The following PCDHA1 variants were observed in gnomAD, a reference collection of about 807,000 sequenced individuals.
PCDHA1 encodes protocadherin alpha 1.
Under a neutral mutation model 61.3 loss-of-function variants are expected in PCDHA1, and 42 were observed. The ratio of observed to expected loss-of-function variants is 0.69; its 90% CI spans 0.54 to 0.89. The LOEUF (loss-of-function observed/expected upper bound fraction) is 0.89. Ranked by LOEUF, PCDHA1 falls within the 40% of genes least tolerant of loss-of-function variation. PCDHA1 has a pLI of 0.00. For missense variants in PCDHA1, 1,256 were observed against 1,235.3 expected (o/e 1.02, Z -0.25); for synonymous variants, 610 against 553.8 (o/e 1.10, Z -1.43).
chr5:140,936,054 G>A (rs1198755229), intron 1 of PCDHA1, among the ~76,000 whole-genome samples: 2 of 151,770 alleles, frequency 1.3e-5, no homozygotes, highest in Non-Finnish European at 1.5e-5. Flanking sequence ...CACCACACCC[G>A]GCTAATTTTT....
intron 1 of PCDHA1, among the ~76,000 whole-genome samples, chr5:140,911,789 G>A (rs1399185754): frequency 6.6e-6 from 1 of 152,024 alleles, no homozygotes; most frequent in Non-Finnish European, 1.5e-5. Flanking sequence ...GCATTTTTGG[G>A]TCTAATCATA....
intron 1 of PCDHA1, chr5:140,869,579 A>G: frequency 6.2e-7 from 1 of 1,614,178 alleles, no homozygotes; most frequent in Non-Finnish European, 8.5e-7. Flanking sequence ...GGAGCTTCTG[A>G]TGCTGACATT....
chr5:140,805,240 C>G, intron 1 of PCDHA1: 1 of 1,345,592 alleles, frequency 7.4e-7, no homozygotes, highest in Middle Eastern at 2.5e-4. Context: ...CATTCCCCAT[C>G]TGTACATTAA....
At chr5:140,887,284 G>T (rs1374515637) in intron 1 of PCDHA1, among the ~76,000 whole-genome samples, 1 of 152,044 alleles carries the variant, frequency 6.6e-6, no homozygotes, top group Non-Finnish European at 1.5e-5. Context: ...TTTTAGTAGA[G>T]ATGGGGTTTC....
chr5:140,786,984 G>C lies in PCDHA1; in HGVS notation c.694G>C (p.Val232Leu), dbSNP rs782181768. The change falls in exon 1 of 4, where the codon GTC becomes CTC. Residue 232 changes from valine (V) to leucine (L), a missense_variant. Physicochemically the swap from Val to Leu is conservative, Grantham distance 32. Transcript: ENST00000504120. ...AGGTACAGTTGAGCTGCTGATCACC[G>C]TCCTCGACGTTAATGATAACGCCCC... is the stretch of plus-strand genomic sequence containing the variant. Reference protein sequence around the residue: ...LQGTVELLITVLDVNDNAPLF... With the variant: ...LQGTVELLITLLDVNDNAPLF... The C allele has an allele frequency of 6.2e-7, 1 of 1,614,102 alleles. No individual in the cohort carries two copies. The highest frequency in any genetic ancestry group is 1.7e-5 in the Admixed American group (1 of 60,014).
intron 1 of PCDHA1, chr5:140,849,563 G>A: frequency 1.9e-6 from 3 of 1,598,488 alleles, no homozygotes; most frequent in Non-Finnish European, 2.6e-6. Flanking sequence ...AAACGCTCTC[G>A]GTTCCTGTAA....
intron 1 of PCDHA1, chr5:140,830,424 C>G: frequency 3.7e-6 from 6 of 1,613,930 alleles, no homozygotes; most frequent in Non-Finnish European, 5.1e-6. Flanking sequence ...AGCCTTTCAC[C>G]TTGTCCTATT....
chr5:140,946,221 A>G (rs1287007358), intron 1 of PCDHA1, among the ~76,000 whole-genome samples: 2 of 152,214 alleles, frequency 1.3e-5, no homozygotes, highest in Admixed American at 6.5e-5. Context: ...ACCAACAGGT[A>G]TACTAAAAAA....
chr5:140,924,996 T>G (rs960105846), intron 1 of PCDHA1, among the ~76,000 whole-genome samples: 1 of 151,078 alleles, frequency 6.6e-6, no homozygotes, highest in African/African-American at 2.4e-5. Flanking sequence ...ATCCTAGCAC[T>G]TTAGGAGGCT....
chr5:140,803,118 G>T, intron 1 of PCDHA1: 1 of 1,613,812 alleles, frequency 6.2e-7, no homozygotes, highest in South Asian at 1.1e-5. Context: ...GGACGAGGTG[G>T]ACGCCCCGCG....
At chr5:140,975,304 G>A (rs1395392874) in intron 1 of PCDHA1, among the ~76,000 whole-genome samples, 2 of 152,200 alleles carry the variant, frequency 1.3e-5, no homozygotes, top group African/African-American at 2.4e-5. Context: ...AAGAGCTCAT[G>A]TGATTATGTC....
intron 1 of PCDHA1, among the ~76,000 whole-genome samples, chr5:140,794,675 T>C (rs1554119155): frequency 6.6e-6 from 1 of 152,228 alleles, no homozygotes; most frequent in African/African-American, 2.4e-5. Context: ...GTAATATATT[T>C]TAGGGCTTAA....
In PCDHA1 at chr5:140,875,579, A is replaced by C. The variant is rs552791418; in HGVS notation, c.2394+86895A>C. ...AGCGGCCAGCTCCACTACTCCGTCTACGAGGAGGCCAAACACGGCACCTTC... is the reference window on the plus strand; with the variant it reads ...AGCGGCCAGCTCCACTACTCCGTCTCCGAGGAGGCCAAACACGGCACCTTC... On this transcript the variant is annotated intron_variant, in intron 1 of 3. Coordinates refer to ENST00000504120, the MANE Select transcript of PCDHA1 (RefSeq NM_018900.4). The C allele has an allele frequency of 9.3e-6, 15 of 1,614,050 alleles. No individual in the cohort carries two copies. Among genetic ancestry groups the C allele is most frequent in the East Asian group, 6.7e-5 (3 of 44,884 alleles).
intron 1 of PCDHA1, chr5:140,808,456 G>A (rs375470813): frequency 1.2e-6 from 2 of 1,614,106 alleles, no homozygotes; most frequent in Admixed American, 1.7e-5. Flanking sequence ...CCTATGAGCT[G>A]GTGGTGACCG....
chr5:140,848,521 C>T lies in PCDHA1; in HGVS notation c.2394+59837C>T, dbSNP rs2150411815. The T allele has an allele frequency of 1.3e-6, 2 of 1,592,868 alleles. 1 individual carries two copies. The highest frequency in any genetic ancestry group is 1.7e-6 in the Non-Finnish European group (2 of 1,164,010). On this transcript the variant is annotated intron_variant, in intron 1 of 3. Coordinates refer to ENST00000504120, the MANE Select transcript of PCDHA1 (RefSeq NM_018900.4). Reference sequence around the variant, plus strand: ...ATGTTATACTCAAGTCGAGGAGATCCAGAGGGTCAGCCTCTACTGCTCTCG... The same window carrying T: ...ATGTTATACTCAAGTCGAGGAGATCTAGAGGGTCAGCCTCTACTGCTCTCG...
chr5:140,961,515 C>T (rs2095619049), intron 1 of PCDHA1, among the ~76,000 whole-genome samples: 1 of 152,092 alleles, frequency 6.6e-6, no homozygotes, highest in Admixed American at 6.5e-5. Flanking sequence ...TTTAATGTCT[C>T]CACAAATTCT....
intron 1 of PCDHA1, chr5:140,834,534 G>T (rs1554134303): frequency 5.6e-6 from 9 of 1,614,094 alleles, no homozygotes; most frequent in South Asian, 1.1e-5. Flanking sequence ...CATCGCGCAG[G>T]ACCTGGGGCT....
chr5:140,851,781 A>G, intron 1 of PCDHA1: 1 of 959,776 alleles, frequency 1.0e-6, no homozygotes. Context: ...AATTTAGATG[A>G]GAATTCACTT....
At chr5:140,869,868 T>A (rs782375084) in intron 1 of PCDHA1, 2 of 1,610,492 alleles carry the variant, frequency 1.2e-6, no homozygotes, top group African/African-American at 2.7e-5. Context: ...TGGAAAATGC[T>A]GCTAAAGAAA....
Sources: allele counts gnomAD v4.1 joint callset (sites outside exome capture counted in the v4.1 genomes callset), GRCh38; gene constraint gnomAD v4.1.1; transcripts MANE v1.5; gene names NCBI Gene and HGNC (gene_info 2026-07-23, HGNC 2026-07-21).